The following SDK1 variants were observed in gnomAD, a reference collection of about 807,000 sequenced individuals.
The protein encoded by SDK1 is protein sidekick-1.
A neutral mutation model predicts 245.5 loss-of-function variants in SDK1; 157 were observed. That is an observed-to-expected ratio of 0.64 (90% CI 0.56 to 0.73). The LOEUF is 0.73. Ranked by LOEUF, SDK1 falls within the 30% of genes least tolerant of loss-of-function variation. The pLI, the probability that SDK1 is intolerant of heterozygous loss-of-function variation, is 0.00. For missense variants in SDK1, 3,583 were observed against 3,002.3 expected, an observed-to-expected ratio of 1.19 and a Z score of -4.52; for synonymous variants, 1,647 against 1,278.5, an observed-to-expected ratio of 1.29 and a Z score of -6.15.
intron 13 of SDK1, among the ~76,000 whole-genome samples, chr7:3,986,688 C>T (rs561355575): frequency 2.0e-5 from 3 of 152,054 alleles, no homozygotes; most frequent in East Asian, 1.9e-4. Context: ...GTGTGAAACC[C>T]CATCTCTACT....
chr7:3,950,925 G>A lies in SDK1; in HGVS notation c.850G>A (p.Asp284Asn). 1 of 1,611,648 alleles carries A rather than the reference G, an allele frequency of 6.2e-7. No individual in the cohort carries two copies. Among genetic ancestry groups the A allele is most frequent in the South Asian group, 1.1e-5 (1 of 91,036 alleles). The change falls in exon 6 of 45, where the codon GAT becomes AAT. Residue 284 changes from aspartate to asparagine, a missense_variant and splice_region_variant. By Grantham distance (23) the Asp-to-Asn change is conservative. Transcript: ENST00000404826. Reference protein sequence around the residue: ...SPFIHLSIARDVGTPETMAPT... With the variant: ...SPFIHLSIARNVGTPETMAPT... Reference sequence around the variant, plus strand: ...CATTTCTCTTTTCTCTGCCACAGGAGATGTTGGCACACCTGAAACCATGGC... The same window carrying A: ...CATTTCTCTTTTCTCTGCCACAGGAAATGTTGGCACACCTGAAACCATGGC...
intron 42 of SDK1, among the ~76,000 whole-genome samples, chr7:4,239,758 G>C (rs1316587028): frequency 6.6e-6 from 1 of 152,152 alleles, no homozygotes; most frequent in Non-Finnish European, 1.5e-5. Context: ...ACAACCGCTG[G>C]GCCAGACCTC....
chr7:3,339,796 T>C lies in SDK1; in HGVS notation c.298+37912T>C, dbSNP rs184884259. The stretch of plus-strand genomic sequence containing the variant: ...GAAAAGTGGAAAGGTCTCAAGTCAA[T>C]TTAAGCTCCTACCTCAAGAAACTAG... On this transcript the variant is annotated intron_variant, in intron 1 of 44. Coordinates refer to ENST00000404826, the MANE Select transcript of SDK1 (RefSeq NM_152744.4). Among the ~76,000 whole-genome samples, 19 of 152,182 alleles carry C rather than the reference T, an allele frequency of 1.2e-4. No individual in the cohort carries two copies. The East Asian group carries it at 3.5e-3, about 28-fold the overall frequency.
intron 19 of SDK1, among the ~76,000 whole-genome samples, chr7:4,066,234 A>G (rs1779889408): frequency 6.6e-6 from 1 of 151,920 alleles, no homozygotes; most frequent in African/African-American, 2.4e-5. Flanking sequence ...CTGAACGGGT[A>G]TCTGGAGGGG....
chr7:3,792,923 T>C lies in SDK1; in HGVS notation c.714-28527T>C, dbSNP rs184108060. On this transcript the variant is annotated intron_variant, in intron 4 of 44. Coordinates refer to ENST00000404826, the MANE Select transcript of SDK1 (RefSeq NM_152744.4). ...TAACATAGAAAGCTTAATGAGTGCA[T>C]TCAGTTCTGCTTTGGAACAATGAAA... Among the ~76,000 whole-genome samples, 198 of 152,342 alleles carry C rather than the reference T, an allele frequency of 1.3e-3. 1 individual carries two copies. In the Middle Eastern group the frequency reaches 0.058, roughly 44 times the overall value.
intron 2 of SDK1, among the ~76,000 whole-genome samples, chr7:3,629,262 C>T (rs1782214059): frequency 6.7e-6 from 1 of 149,830 alleles, no homozygotes. Context: ...GATCTCGCCA[C>T]TGCACTCCAG....
At chr7:3,979,490 A>T (rs1037030612) in intron 13 of SDK1, among the ~76,000 whole-genome samples, 1 of 152,126 alleles carries the variant, frequency 6.6e-6, no homozygotes, top group Non-Finnish European at 1.5e-5. Flanking sequence ...TGCCAGGTAT[A>T]CAGTAGGAAC....
At chr7:4,224,932 G>C (rs982568217) in intron 40 of SDK1, among the ~76,000 whole-genome samples, 2 of 135,072 alleles carry the variant, frequency 1.5e-5, no homozygotes, top group African/African-American at 5.3e-5. Flanking sequence ...GCAGTGAGCT[G>C]AGATGACGCC....
At chr7:4,172,656 A>T (rs1322832267) in intron 32 of SDK1, among the ~76,000 whole-genome samples, 1 of 152,166 alleles carries the variant, frequency 6.6e-6, no homozygotes, top group Non-Finnish European at 1.5e-5. Context: ...TTATTCTCTC[A>T]CAGCTCTGGG....
intron 14 of SDK1, among the ~76,000 whole-genome samples, chr7:3,994,943 G>C (rs1161231129): frequency 6.6e-6 from 1 of 152,156 alleles, no homozygotes; most frequent in Non-Finnish European, 1.5e-5. Context: ...GATCTGCAGA[G>C]AACCCACCGC....
At chr7:3,840,646 C>A (rs917813248) in intron 5 of SDK1, among the ~76,000 whole-genome samples, 1 of 152,240 alleles carries the variant, frequency 6.6e-6, no homozygotes, top group African/African-American at 2.4e-5. Context: ...TTCCAACAAG[C>A]TCCCAGGTGA....
At chr7:3,439,657 A>G (rs1041358807) in intron 1 of SDK1, among the ~76,000 whole-genome samples, 3 of 152,188 alleles carry the variant, frequency 2.0e-5, no homozygotes, top group Non-Finnish European at 4.4e-5. Flanking sequence ...CTCTTTTTGA[A>G]TTTGTTTCTT....
At chr7:3,891,948 C>T (rs1781470238) in intron 5 of SDK1, among the ~76,000 whole-genome samples, 1 of 152,122 alleles carries the variant, frequency 6.6e-6, no homozygotes, top group Non-Finnish European at 1.5e-5. Flanking sequence ...GTGTCAAAGG[C>T]ATTCTATAAC....
chr7:4,095,110 T>TATCTGAGGTCTTCCTCACCTCCCCCAC (rs1562801236), intron 22 of SDK1, among the ~76,000 whole-genome samples: 1 of 151,434 alleles, frequency 6.6e-6, no homozygotes, highest in African/African-American at 2.4e-5. Flanking sequence ...AGCTCCTCCA[T>TATCTGAGGTCTTCCTCACCTCCCCCAC]ATCTGAGGTC....
At chr7:4,179,936 G>A (rs1782492554) in intron 35 of SDK1, among the ~76,000 whole-genome samples, 3 of 151,902 alleles carry the variant, frequency 2.0e-5, no homozygotes, top group African/African-American at 7.3e-5. Flanking sequence ...GCAAGCAGAA[G>A]GTGTGGGTGT....
At chr7:3,850,962 C>G (rs1370842335) in intron 5 of SDK1, among the ~76,000 whole-genome samples, 2 of 151,966 alleles carry the variant, frequency 1.3e-5, no homozygotes, top group Admixed American at 6.5e-5. Flanking sequence ...ACATATGTAA[C>G]AAACCTGCAC....
intron 1 of SDK1, among the ~76,000 whole-genome samples, chr7:3,568,863 A>T (rs1780010767): frequency 1.3e-5 from 2 of 152,218 alleles, no homozygotes; most frequent in African/African-American, 4.8e-5. Flanking sequence ...GCATATATTT[A>T]TTCTACATTG....
In SDK1 at chr7:3,942,353, G is replaced by A. The variant is rs766542183; in HGVS notation, c.848-8570G>A. ...CAGGTAATGACTCTGCAGAGACGGG[G>A]CAGTGTCAGAGGAGCAGGGGTCCCC... is the stretch of plus-strand genomic sequence containing the variant. On this transcript the variant is annotated intron_variant, in intron 5 of 44. Transcript: ENST00000404826. 3.2e-4 allele frequency among the ~76,000 whole-genome samples: 49 copies of A among 152,296 alleles called. No homozygotes were observed. In the Middle Eastern group the frequency reaches 0.014, roughly 42 times the overall value.
intron 1 of SDK1, among the ~76,000 whole-genome samples, chr7:3,530,306 C>T (rs539055672): frequency 2.0e-5 from 3 of 152,066 alleles, no homozygotes; most frequent in Non-Finnish European, 4.4e-5. Context: ...TCTGTGGTAT[C>T]CTTCACAGAT....
Sources: allele counts gnomAD v4.1 joint callset (sites outside exome capture counted in the v4.1 genomes callset), GRCh38; gene constraint gnomAD v4.1.1; transcripts MANE v1.5; gene names NCBI Gene and HGNC (gene_info 2026-07-23, HGNC 2026-07-21).